Variants in RBKS observed in about 807,000 individuals in gnomAD.
The protein encoded by RBKS is ribokinase.
RBKS carries 33 observed loss-of-function variants against 33.9 expected under a neutral mutation model. That is an observed-to-expected ratio of 0.97 (90% CI 0.74 to 1.30). The LOEUF is 1.30. Among genes scored for constraint, RBKS ranks in the 50% most tolerant of loss-of-function variants. RBKS has a pLI of 0.00. For synonymous variants in RBKS, 125 were observed against 143.0 expected (o/e 0.87, Z 0.90); for missense variants, 361 against 392.6 (o/e 0.92, Z 0.68).
intron 7 of RBKS, among the ~76,000 whole-genome samples, chr2:27,784,015 G>A (rs1479974344): frequency 2.9e-5 from 2 of 68,054 alleles, no homozygotes; most frequent in Non-Finnish European, 5.0e-5. Context: ...ACGGAGTCTC[G>A]CTCTGTCGCC....
chr2:27,877,888 G>A (rs1664343765), intron 1 of RBKS, among the ~76,000 whole-genome samples: 1 of 152,066 alleles, frequency 6.6e-6, no homozygotes, highest in Non-Finnish European at 1.5e-5. Flanking sequence ...AGGTCTTCCT[G>A]TCTTCAAGAA....
chr2:27,876,767 T>G (rs1664323415), intron 1 of RBKS, among the ~76,000 whole-genome samples: 1 of 152,146 alleles, frequency 6.6e-6, no homozygotes, highest in South Asian at 2.1e-4. Context: ...AAAATGTGGA[T>G]GTACTTAATG....
At chr2:27,816,270 G>A (rs1678089725) in intron 7 of RBKS, among the ~76,000 whole-genome samples, 2 of 152,226 alleles carry the variant, frequency 1.3e-5, no homozygotes, top group African/African-American at 4.8e-5. Context: ...GAGGTGATCT[G>A]TTGATGTGGA....
chr2:27,811,878 G>A (rs777487855), intron 7 of RBKS, among the ~76,000 whole-genome samples: 3 of 151,912 alleles, frequency 2.0e-5, no homozygotes, highest in Non-Finnish European at 2.9e-5. Flanking sequence ...TGGAGTGCTG[G>A]AACTAAGACT....
intron 1 of RBKS, among the ~76,000 whole-genome samples, chr2:27,888,398 A>AT (rs962861961): frequency 3.3e-5 from 5 of 152,280 alleles, no homozygotes; most frequent in Admixed American, 3.3e-4. Context: ...AAGTGCTGGG[A>AT]TTACAGGTAT....
At chr2:27,874,306 A>C (rs772332762) in intron 1 of RBKS, among the ~76,000 whole-genome samples, 3 of 152,256 alleles carry the variant, frequency 2.0e-5, no homozygotes, top group African/African-American at 7.2e-5. Context: ...TGTTACAATT[A>C]CTACATTCCA....
At chr2:27,867,637 C>G (rs1372443481) in intron 1 of RBKS, among the ~76,000 whole-genome samples, 2 of 152,068 alleles carry the variant, frequency 1.3e-5, no homozygotes, top group African/African-American at 4.8e-5. Context: ...TACCTAAGCT[C>G]AGCAAATCTT....
At chr2:27,859,707 A>G (rs1012273737) in intron 1 of RBKS, among the ~76,000 whole-genome samples, 1 of 152,232 alleles carries the variant, frequency 6.6e-6, no homozygotes, top group Non-Finnish European at 1.5e-5. Context: ...TGACCAAAAA[A>G]GGTTAACTAG....
rs201716905 is a variant in RBKS at position 27,843,079 on chromosome 2, G to A, written c.502C>T (p.Arg168Cys). 6.4e-5 allele frequency: 102 copies of A among 1,592,754 alleles called. No individual in the cohort carries two copies. The highest frequency in any genetic ancestry group is 2.3e-4 in the East Asian group (10 of 44,114). ...TATGTATAATTACCTCCACTCCTGCGGGCCATTGTTAGGGCTTCCAAAGAA... is the reference window on the plus strand; with the variant it reads ...TATGTATAATTACCTCCACTCCTGCAGGCCATTGTTAGGGCTTCCAAAGAA... ...ATSLEALTMA[R>C]RSGVKTLFNP... is the part of the protein sequence containing the mutation. The change falls in exon 5 of 8, where the codon CGC becomes TGC. Residue 168 changes from arginine (R) to cysteine (C), a missense_variant. By Grantham distance (180) the Arg-to-Cys change is radical. Coordinates refer to ENST00000302188, the MANE Select transcript of RBKS (RefSeq NM_022128.3).
In RBKS at chr2:27,781,410, C is replaced by CT. The variant is rs1677279848; in HGVS notation, c.*204dup. 1.9e-6 allele frequency: 1 copy of CT among 525,358 alleles called. No individual in the cohort carries two copies. Among genetic ancestry groups the CT allele is most frequent in the Non-Finnish European group, 3.3e-6 (1 of 298,886 alleles). 32.5% of individuals were successfully genotyped at this position (525,358 alleles called of 1,614,324 possible). A position where few individuals can be genotyped will look rare whatever the true frequency, so the allele number is the denominator to read the frequency against. On this transcript the variant is annotated 3_prime_UTR_variant, in exon 8 of 8. Transcript: ENST00000302188. ...TTTGTACAGATCTTGGTTGTGGAATCTTTAATTCTGGTTGTTTTGTGCAAA... is the reference window on the plus strand; with the variant it reads ...TTTGTACAGATCTTGGTTGTGGAATCTTTTAATTCTGGTTGTTTTGTGCAAA...
intron 7 of RBKS, among the ~76,000 whole-genome samples, chr2:27,813,099 C>A (rs1412639251): frequency 1.3e-5 from 2 of 150,422 alleles, no homozygotes; most frequent in Non-Finnish European, 3.0e-5. Context: ...GCCAAGAGAT[C>A]AAAATAAAAG....
chr2:27,792,092 C>A (rs1170099637), intron 7 of RBKS, among the ~76,000 whole-genome samples: 1 of 152,164 alleles, frequency 6.6e-6, no homozygotes. Context: ...TTGATTTACT[C>A]CAAAGCGTGT....
At chr2:27,861,605 T>TAC in intron 1 of RBKS, 1 of 464,530 alleles carries the variant, frequency 2.2e-6, no homozygotes, top group East Asian at 7.3e-5. Flanking sequence ...ATGCAAGTAA[T>TAC]ACACGAGTGA....
intron 5 of RBKS, among the ~76,000 whole-genome samples, chr2:27,840,217 T>A (rs1663454121): frequency 6.6e-6 from 1 of 151,704 alleles, no homozygotes. Flanking sequence ...AGATGGGGTT[T>A]CACCGTGTTA....
chr2:27,824,351 A>T (rs1451447724), intron 7 of RBKS, among the ~76,000 whole-genome samples: 2 of 152,188 alleles, frequency 1.3e-5, no homozygotes, highest in African/African-American at 4.8e-5. Context: ...CTCTAAAGTA[A>T]AACTCCTTAC....
chr2:27,816,613 G>GT (rs976641424), intron 7 of RBKS, among the ~76,000 whole-genome samples: 13 of 151,592 alleles, frequency 8.6e-5, no homozygotes, highest in African/African-American at 2.2e-4. Flanking sequence ...GTGTTTTTTT[G>GT]TTTTTTTGTT....
At chr2:27,816,710 G>A (rs1242274266) in intron 7 of RBKS, among the ~76,000 whole-genome samples, 2 of 152,004 alleles carry the variant, frequency 1.3e-5, no homozygotes, top group Admixed American at 6.6e-5. Context: ...CCATTCTCCT[G>A]CCTCAGCCTC....
intron 7 of RBKS, among the ~76,000 whole-genome samples, chr2:27,814,847 C>A (rs1387756713): frequency 6.6e-6 from 1 of 152,120 alleles, no homozygotes; most frequent in Admixed American, 6.5e-5. Context: ...TGTATTTGTT[C>A]TTAAAGGAAC....
chr2:27,809,441 G>C (rs571650471), intron 7 of RBKS, among the ~76,000 whole-genome samples: 1 of 152,196 alleles, frequency 6.6e-6, no homozygotes, highest in Non-Finnish European at 1.5e-5. Flanking sequence ...GGAATCCTGA[G>C]AGCGAGCTAA....
Sources: gnomAD v4.1 joint callset for allele counts (sites outside exome capture counted in the v4.1 genomes callset) on GRCh38, gnomAD v4.1.1 for gene constraint, MANE v1.5 for transcripts, NCBI Gene and HGNC (gene_info 2026-07-23, HGNC 2026-07-21) for gene names.